Variants in CDK17 observed in about 807,000 individuals in gnomAD.
CDK17 encodes the protein cyclin dependent kinase 17.
A neutral mutation model predicts 77.6 loss-of-function variants in CDK17; 24 were observed. The observed-to-expected ratio is 0.31, with a 90% CI of 0.22 to 0.44. The LOEUF (loss-of-function observed/expected upper bound fraction) is 0.44. CDK17 is among the 20% of genes least tolerant of loss of function. CDK17 has a pLI of 1.00. For missense variants in CDK17, 429 were observed against 622.5 expected (o/e 0.69, Z 3.31); for synonymous variants, 203 against 210.4 (o/e 0.96, Z 0.30).
chr12:96,297,552 AAAAC>A (rs1209851507), intron 8 of CDK17, 71 bp downstream of exon 8: 9 of 1,060,576 alleles, frequency 8.5e-6, no homozygotes, highest in South Asian at 6.8e-5. Context: ...AGAAAAATAA[AAAAC>A]AAACTAAAAG....
chr12:96,302,058 G>GT (rs1565810346), intron 5 of CDK17, among the ~76,000 whole-genome samples: 1 of 151,964 alleles, frequency 6.6e-6, no homozygotes, highest in African/African-American at 2.4e-5. Flanking sequence ...TTCCTATGAC[G>GT]TTTTTCATAA....
chr12:96,280,769 T>C lies in CDK17; in HGVS notation c.1534+39A>G, dbSNP rs971048557. On this transcript the variant is annotated intron_variant, in intron 16 of 16. Transcript: ENST00000261211. Reference sequence around the variant, plus strand: ...CCAAAAGCTTGGTTCCACGCAAAAATTCATGATCGACACGTGAAATGGTTT... The same window carrying C: ...CCAAAAGCTTGGTTCCACGCAAAAACTCATGATCGACACGTGAAATGGTTT... 5 of 1,603,526 alleles carry C rather than the reference T, an allele frequency of 3.1e-6. 1 individual carries two copies. In the Middle Eastern group the frequency reaches 5.0e-4, roughly 160 times the overall value.
At chr12:96,314,735 T>C (rs181522647) in intron 3 of CDK17, among the ~76,000 whole-genome samples, 15 of 152,352 alleles carry the variant, frequency 9.8e-5, no homozygotes, top group East Asian at 9.6e-4. Flanking sequence ...TTACTTTCTA[T>C]ACACGTATTC....
intron 1 of CDK17, among the ~76,000 whole-genome samples, chr12:96,360,159 A>G (rs988247419): frequency 3.3e-5 from 5 of 152,196 alleles, no homozygotes; most frequent in Non-Finnish European, 4.4e-5. Context: ...TGCAATCAAA[A>G]TATCTAGAAG....
rs61572243 is a variant in CDK17 at position 96,308,229 on chromosome 12, T to TAAAAAAAAAAAAAAA, written c.543+2808_543+2822dup. 1.7e-4 allele frequency among the ~76,000 whole-genome samples: 11 copies of TAAAAAAAAAAAAAAA among 63,766 alleles called. 2 individuals carry two copies. Among genetic ancestry groups the TAAAAAAAAAAAAAAA allele is most frequent in the Admixed American group, 6.1e-4 (3 of 4,958 alleles). The allele number at this position is 63,766 out of a possible 152,430, so 41.8% of individuals were successfully genotyped here. On this transcript the variant is annotated intron_variant, in intron 5 of 16. Coordinates refer to ENST00000261211, the MANE Select transcript of CDK17 (RefSeq NM_002595.5). ...GGGCAACACAGTGAGATGCCATCTC[T>TAAAAAAAAAAAAAAA]AAAAAAAAAAAAAAAAAAAAAAAGT...
chr12:96,294,611 A>AAAAAAT (rs71097274), intron 10 of CDK17, among the ~76,000 whole-genome samples: 5 of 121,316 alleles, frequency 4.1e-5, no homozygotes, highest in South Asian at 5.2e-4. Flanking sequence ...AAAAAAAAAA[A>AAAAAAT]GATATATTTT....
At chr12:96,334,891 C>T (rs1196683907) in intron 1 of CDK17, 26 bp from the exon 2 acceptor site, 1 of 921,158 alleles carries the variant, frequency 1.1e-6, no homozygotes, top group Admixed American at 1.9e-5. Flanking sequence ...AAACACAAAA[C>T]TAAAGCTATA....
intron 1 of CDK17, among the ~76,000 whole-genome samples, chr12:96,382,933 G>GA (rs911760562): frequency 1.3e-4 from 20 of 150,096 alleles, no homozygotes; most frequent in South Asian, 4.2e-4. Context: ...AATCAGGCAA[G>GA]AAAAAAAAAT....
At chr12:96,313,228 T>C (rs1475273885) in intron 4 of CDK17, 93 bp downstream of exon 4, 2 of 1,009,296 alleles carry the variant, frequency 2.0e-6, no homozygotes, top group African/African-American at 3.4e-5. Flanking sequence ...ATGAAAATTT[T>C]TAAATGGGCA....
At chr12:96,377,403 G>A (rs1259632042) in intron 1 of CDK17, among the ~76,000 whole-genome samples, 1 of 151,890 alleles carries the variant, frequency 6.6e-6, no homozygotes, top group Non-Finnish European at 1.5e-5. Context: ...GAAAATTCCT[G>A]AAAACAAAGA....
At chr12:96,342,356 T>C (rs1198335556) in intron 1 of CDK17, among the ~76,000 whole-genome samples, 1 of 152,234 alleles carries the variant, frequency 6.6e-6, no homozygotes, top group Non-Finnish European at 1.5e-5. Flanking sequence ...AAACTTAAAC[T>C]TTTTTCATTA....
chr12:96,394,555 G>A (rs1565850443), intron 1 of CDK17, among the ~76,000 whole-genome samples: 6 of 151,724 alleles, frequency 4.0e-5, no homozygotes, highest in Non-Finnish European at 1.5e-5. Flanking sequence ...TGTCTCATAC[G>A]TGTAATCCCA....
intron 2 of CDK17, among the ~76,000 whole-genome samples, chr12:96,332,204 G>A (rs1262532241): frequency 6.6e-6 from 1 of 152,172 alleles, no homozygotes; most frequent in Non-Finnish European, 1.5e-5. Context: ...TAGGTGTGTA[G>A]TAAGCTATAC....
chr12:96,339,794 G>C (rs1454191627), intron 1 of CDK17, among the ~76,000 whole-genome samples: 1 of 151,878 alleles, frequency 6.6e-6, no homozygotes, highest in Admixed American at 6.6e-5. Context: ...GCCAGGCATG[G>C]TGGTGCACGC....
chr12:96,299,003 A>G lies in CDK17; in HGVS notation c.601-20T>C. On this transcript the variant is annotated intron_variant, in intron 6 of 16. Coordinates refer to ENST00000261211, the MANE Select transcript of CDK17 (RefSeq NM_002595.5). ...TGTACCCTATAAAATATATTTTTAA[A>G]GGACGCATCAAAAGTATCATAAGAG... 2.5e-6 allele frequency: 3 copies of G among 1,203,506 alleles called. No homozygotes were observed. Among genetic ancestry groups the G allele is most frequent in the Non-Finnish European group, 3.7e-6 (3 of 821,574 alleles). 74.6% of individuals were successfully genotyped at this position (1,203,506 alleles called of 1,614,324 possible).
chr12:96,324,100 T>C lies in CDK17; in HGVS notation c.131A>G (p.Lys44Arg). ...NSSKDNEPIVKNGRPPTSHSM... is the reference protein window; with the variant it reads ...NSSKDNEPIVRNGRPPTSHSM... ...GTGAGACGTTGGAGGCCTGCCATTC[T>C]TCACAATAGGCTCTGTGGTTCATAG... Residue 44 changes from lysine to arginine, a missense_variant, in exon 3 of 17, where the codon AAG becomes AGG. Physicochemically the swap from Lys to Arg is conservative, Grantham distance 26. This residue lies in a region of CDK17 where 262 missense variants were observed against 385.4 expected (regional missense o/e 0.68). Transcript: ENST00000261211. The C allele has an allele frequency of 1.2e-6, 2 of 1,608,554 alleles. No homozygotes were observed.
chr12:96,338,330 C>G (rs1339546523), intron 1 of CDK17, among the ~76,000 whole-genome samples: 1 of 152,188 alleles, frequency 6.6e-6, no homozygotes, highest in African/African-American at 2.4e-5. Flanking sequence ...TGATTTTCAT[C>G]TGCATCTTTT....
intron 2 of CDK17, among the ~76,000 whole-genome samples, chr12:96,332,792 C>T (rs2137139899): frequency 6.6e-6 from 1 of 152,232 alleles, no homozygotes; most frequent in East Asian, 1.9e-4. Flanking sequence ...AAAGTTACTA[C>T]TGTAATAAAA....
At chr12:96,303,205 A>G (rs974040680) in intron 5 of CDK17, 2 of 152,178 alleles carry the variant, frequency 1.3e-5, no homozygotes, top group Non-Finnish European at 2.9e-5. Context: ...TACCCAGCAC[A>G]ATGTTAGGTG....
Sources: allele counts gnomAD v4.1 joint callset (sites outside exome capture counted in the v4.1 genomes callset), GRCh38; gene constraint gnomAD v4.1.1; regional missense constraint gnomAD v4.1.1; transcripts MANE v1.5; gene names NCBI Gene and HGNC (gene_info 2026-07-23, HGNC 2026-07-21).